TNRC6A: variants seen among roughly 807,000 people sequenced by gnomAD.
The protein encoded by TNRC6A is trinucleotide repeat containing adaptor 6A, also known as trinucleotide repeat-containing gene 6A protein.
A neutral mutation model predicts 221.2 loss-of-function variants in TNRC6A; 44 were observed. The ratio of observed to expected loss-of-function variants is 0.20; its 90% CI spans 0.16 to 0.26. The LOEUF (loss-of-function observed/expected upper bound fraction) is 0.26, where lower values mean the gene tolerates loss of function less well. Among genes scored for constraint, TNRC6A ranks in the 10% least tolerant of loss-of-function variants. The pLI is 1.00. For missense variants in TNRC6A, 2,199 were observed against 2,404.4 expected (o/e 0.91, Z 1.79); for synonymous variants, 847 against 838.5 (o/e 1.01, Z -0.18).
chr16:24,640,787 G>A (rs1275041336), intron 1 of TNRC6A: 1 of 152,106 alleles, frequency 6.6e-6, no homozygotes, highest in Non-Finnish European at 1.5e-5. Context: ...ATGGGTTTGT[G>A]TCTCATAGGC....
chr16:24,623,033 A>G (rs967807338), intron 1 of TNRC6A, among the ~76,000 whole-genome samples: 4 of 152,220 alleles, frequency 2.6e-5, no homozygotes, highest in Non-Finnish European at 5.9e-5. Flanking sequence ...TTGGAAGTGT[A>G]TTTGACATCA....
intron 2 of TNRC6A, among the ~76,000 whole-genome samples, chr16:24,709,517 G>A (rs2056162951): frequency 6.6e-6 from 1 of 151,992 alleles, no homozygotes; most frequent in South Asian, 2.1e-4. Flanking sequence ...GGCTAAGTGA[G>A]GAAAAATAAA....
chr16:24,714,125 C>A (rs912281640), intron 2 of TNRC6A, among the ~76,000 whole-genome samples: 14 of 151,980 alleles, frequency 9.2e-5, no homozygotes, highest in African/African-American at 3.4e-4. Flanking sequence ...CTTTTAGTCC[C>A]TTGTTCTCTC....
chr16:24,809,568 G>A, intron 18 of TNRC6A, 87 bp downstream of exon 18: 1 of 1,354,160 alleles, frequency 7.4e-7, no homozygotes, highest in Non-Finnish European at 9.6e-7. Flanking sequence ...TATTTTAAAT[G>A]TGTTTTCAAA....
At position 24,791,241 on chromosome 16, in the gene TNRC6A, G is replaced by A. The variant is rs1242195336; in HGVS notation, c.2599G>A (p.Gly867Ser). The A allele has an allele frequency of 6.2e-7, 1 of 1,614,058 alleles. No homozygotes were observed. Among genetic ancestry groups the A allele is most frequent in the Non-Finnish European group, 8.5e-7 (1 of 1,180,032 alleles). ...AGAAACTTCAAGGAATAACCATTGG[G>A]GTGAGGCCAATAAGAAATCCAGCTC... ...WGETSRNNHWGEANKKSSSGG... is the reference protein window; with the variant it reads ...WGETSRNNHWSEANKKSSSGG... Residue 867 changes from glycine (G) to serine (S), a missense_variant, in exon 6 of 25, where the codon GGT becomes AGT. Physicochemically the swap from Gly to Ser is moderately conservative, Grantham distance 56 (BLOSUM62 0). Around this residue, in one of 8 missense-constraint regions of TNRC6A, gnomAD observed 1,405 missense variants for 1,400.2 expected, o/e 1.00. Coordinates refer to ENST00000395799, the MANE Select transcript of TNRC6A (RefSeq NM_014494.4).
At position 24,801,670 on chromosome 16, in the gene TNRC6A, A is replaced by T. The variant is rs539899604; in HGVS notation, c.3695-2507A>T. Among the ~76,000 whole-genome samples, 6 of 150,268 alleles carry T rather than the reference A, an allele frequency of 4.0e-5. No homozygotes were observed. The South Asian group carries it at 1.3e-3, about 32-fold the overall frequency. On this transcript the variant is annotated intron_variant, in intron 11 of 24. Coordinates refer to ENST00000395799, the MANE Select transcript of TNRC6A (RefSeq NM_014494.4). Reference sequence around the variant, plus strand: ...CGCCCAGCTAATTTTTTGTATTTTTAGTAGAGACAGGGTTTCACCGTGTTG... The same window carrying T: ...CGCCCAGCTAATTTTTTGTATTTTTTGTAGAGACAGGGTTTCACCGTGTTG...
intron 2 of TNRC6A, among the ~76,000 whole-genome samples, chr16:24,686,571 T>C (rs1391454920): frequency 6.6e-6 from 1 of 152,142 alleles, no homozygotes; most frequent in African/African-American, 2.4e-5. Context: ...TTTCTTTCAT[T>C]TGTCAGTCAT....
At chr16:24,774,974 T>C (rs879109558) in intron 4 of TNRC6A, among the ~76,000 whole-genome samples, 5 of 152,162 alleles carry the variant, frequency 3.3e-5, no homozygotes, top group Admixed American at 2.0e-4. Flanking sequence ...TTTTGGTTTG[T>C]TTGTTTGCTT....
chr16:24,643,393 C>T lies in TNRC6A; in HGVS notation n.402+2384C>T, dbSNP rs1032258079. 6.6e-5 allele frequency among the ~76,000 whole-genome samples: 10 copies of T among 151,872 alleles called. No individual in the cohort carries two copies. In the South Asian group the frequency reaches 8.3e-4, roughly 13 times the overall value. The stretch of plus-strand genomic sequence containing the variant: ...AACTCAGAGAATGGTTTTCTTAGGG[C>T]GGCGGATTAGGGCAGGCATAGGGTC... On this transcript the variant is annotated intron_variant and non_coding_transcript_variant, in intron 2 of 2. Transcript: ENST00000566108.
At chr16:24,686,797 T>C (rs567978478) in intron 2 of TNRC6A, among the ~76,000 whole-genome samples, 1 of 152,298 alleles carries the variant, frequency 6.6e-6, no homozygotes, top group South Asian at 2.1e-4. Context: ...CGAGCTCTGC[T>C]TTCTGCCTGC....
At chr16:24,781,945 C>T (rs1485499521) in intron 5 of TNRC6A, among the ~76,000 whole-genome samples, 1 of 152,068 alleles carries the variant, frequency 6.6e-6, no homozygotes. Context: ...GCCTCAGCCT[C>T]CCGAGTAGCT....
intron 1 of TNRC6A, among the ~76,000 whole-genome samples, chr16:24,635,087 T>TTTTCTTTC (rs201050969): frequency 6.7e-6 from 1 of 150,118 alleles, no homozygotes; most frequent in East Asian, 2.0e-4. Context: ...TCTTTCTTTC[T>TTTTCTTTC]TTTCTTTCTT....
At chr16:24,611,021 C>T (rs1365532910) in intron 1 of TNRC6A, among the ~76,000 whole-genome samples, 2 of 152,028 alleles carry the variant, frequency 1.3e-5, no homozygotes, top group Non-Finnish European at 2.9e-5. Flanking sequence ...CCATGTTGGC[C>T]AGGCTGGTTT....
chr16:24,692,075 C>T (rs1231854395), intron 2 of TNRC6A, among the ~76,000 whole-genome samples: 1 of 152,168 alleles, frequency 6.6e-6, no homozygotes, highest in Non-Finnish European at 1.5e-5. Flanking sequence ...ACAAAGTATA[C>T]TTTGCTTTCC....
chr16:24,637,808 T>G (rs1033309247), intron 1 of TNRC6A, among the ~76,000 whole-genome samples: 2 of 152,210 alleles, frequency 1.3e-5, no homozygotes, highest in African/African-American at 4.8e-5. Flanking sequence ...ATTTTTGAGA[T>G]GGAGTCTGGC....
intron 2 of TNRC6A, among the ~76,000 whole-genome samples, chr16:24,706,260 G>A (rs2056091141): frequency 2.0e-5 from 3 of 152,084 alleles, no homozygotes; most frequent in African/African-American, 7.2e-5. Context: ...AATACATTAT[G>A]AGGTTTTTTT....
rs537550539 is a variant in TNRC6A, at chr16:24,766,036, A to G, written c.163+7676A>G. Among the ~76,000 whole-genome samples the G allele has an allele frequency of 2.5e-3, 385 of 152,352 alleles. 1 individual carries two copies. Among genetic ancestry groups the G allele is most frequent in the South Asian group, 7.0e-3 (34 of 4,828 alleles). ...TGAGACTGATCTACAGGACAAAGGA[A>G]ACAGGAAGTAGATATGAAAAAAACA... On this transcript the variant is annotated intron_variant, in intron 4 of 24. Coordinates refer to ENST00000395799, the MANE Select transcript of TNRC6A (RefSeq NM_014494.4).
At chr16:24,642,832 C>T (rs550171442) in intron 2 of TNRC6A, among the ~76,000 whole-genome samples, 5 of 151,720 alleles carry the variant, frequency 3.3e-5, no homozygotes, top group African/African-American at 1.2e-4. Flanking sequence ...GGCTTGAGGC[C>T]AGGTGTTCAA....
intron 4 of TNRC6A, among the ~76,000 whole-genome samples, chr16:24,761,670 G>T (rs2057366791): frequency 6.6e-6 from 1 of 151,840 alleles, no homozygotes; most frequent in African/African-American, 2.4e-5. Flanking sequence ...CTCCTGAGTA[G>T]CTGGGACTGT....
Sources: allele counts gnomAD v4.1 joint callset (sites outside exome capture counted in the v4.1 genomes callset), GRCh38; gene constraint gnomAD v4.1.1; regional missense constraint gnomAD v4.1.1; transcripts MANE v1.5; gene names NCBI Gene and HGNC (gene_info 2026-07-23, HGNC 2026-07-21).